Variants in DGKI observed in about 807,000 individuals in gnomAD.
DGKI encodes diacylglycerol kinase iota, also known as DAG kinase iota.
Under a neutral mutation model 147.5 loss-of-function variants are expected in DGKI, and 55 were observed. That is an observed-to-expected ratio of 0.37 (90% CI 0.30 to 0.47). The LOEUF is 0.47. Ranked by LOEUF, DGKI falls within the 20% of genes least tolerant of loss-of-function variation. The probability of loss-of-function intolerance (pLI) is 1.00; values close to 1 mark genes in which losing one functional copy is unlikely to be tolerated. For synonymous variants in DGKI, 469 were observed against 477.1 expected (o/e 0.98, Z 0.22); for missense variants, 1,007 against 1,323.8 (o/e 0.76, Z 3.71).
intron 23 of DGKI, among the ~76,000 whole-genome samples, chr7:137,475,258 CAG>C (rs2128931084): frequency 6.6e-6 from 1 of 152,238 alleles, no homozygotes; most frequent in South Asian, 2.1e-4. Context: ...GAACACAAAA[CAG>C]AGTGGCTTTA....
chr7:137,569,643 G>A (rs186901722), intron 19 of DGKI, among the ~76,000 whole-genome samples: 1 of 147,458 alleles, frequency 6.8e-6, no homozygotes, highest in East Asian at 2.0e-4. Context: ...GCAGGAGAAT[G>A]GCGTGAACCC....
At chr7:137,750,827 G>A (rs1219647754) in intron 1 of DGKI, among the ~76,000 whole-genome samples, 1 of 152,184 alleles carries the variant, frequency 6.6e-6, no homozygotes, top group Non-Finnish European at 1.5e-5. Context: ...TTAAGGCAGT[G>A]CAAGACTTCA....
At chr7:137,803,922 G>A (rs902625715) in intron 1 of DGKI, among the ~76,000 whole-genome samples, 4 of 152,106 alleles carry the variant, frequency 2.6e-5, no homozygotes, top group South Asian at 2.1e-4. Context: ...TAAATAGTCC[G>A]GGCATGCGTT....
In DGKI at chr7:137,609,007, G is replaced by T; in HGVS notation, c.1126C>A (p.Pro376Thr). The change falls in exon 10 of 33, where the codon CCC becomes ACC. Residue 376 changes from proline to threonine, a missense_variant. This residue lies in a region of DGKI where 259 missense variants were observed against 362.5 expected (regional missense o/e 0.71). Coordinates refer to ENST00000614521, the MANE Select transcript of DGKI (RefSeq NM_001321708.2). ...IKPISSPLMK[P>T]LLVFVNPKSG... ...TTGGGATTCACAAATACAAGCAAGG[G>T]TTTCATGAGAGGAGAAGAGATGGGT... 1 of 1,613,776 alleles carries T rather than the reference G, an allele frequency of 6.2e-7. No individual in the cohort carries two copies. The highest frequency in any genetic ancestry group is 8.5e-7 in the Non-Finnish European group (1 of 1,179,748).
chr7:137,670,368 C>A lies in DGKI; in HGVS notation c.606+8189G>T, dbSNP rs182669705. On this transcript the variant is annotated intron_variant, in intron 3 of 32. Coordinates refer to ENST00000614521, the MANE Select transcript of DGKI (RefSeq NM_001321708.2). ...TTAATATACAGACAGCACTTGGTAC[C>A]AAATTATAACGATCCCCATGACAGT... 3.0e-4 allele frequency among the ~76,000 whole-genome samples: 46 copies of A among 152,254 alleles called. 1 individual carries two copies. The East Asian group carries it at 5.4e-3, about 18-fold the overall frequency.
chr7:137,465,826 A>G, intron 26 of DGKI, 82 bp downstream of exon 26: 1 of 1,512,042 alleles, frequency 6.6e-7, no homozygotes. Flanking sequence ...TGATGTCATT[A>G]GAACGATGTC....
chr7:137,809,482 T>A (rs1025176017), intron 1 of DGKI, among the ~76,000 whole-genome samples: 2 of 152,158 alleles, frequency 1.3e-5, no homozygotes, highest in African/African-American at 4.8e-5. Context: ...CAGCCTGCAG[T>A]CTCGGGCTGT....
At chr7:137,552,590 G>T in intron 19 of DGKI, 22 bp from the exon 20 acceptor site, 4 of 1,612,416 alleles carry the variant, frequency 2.5e-6, no homozygotes, top group Non-Finnish European at 2.5e-6. Context: ...AGAGTCAAAG[G>T]GGAGCAAGGA....
chr7:137,662,240 C>CTTTTTTTTTT (rs1170356266), intron 3 of DGKI, among the ~76,000 whole-genome samples: 2 of 126,444 alleles, frequency 1.6e-5, no homozygotes, highest in African/African-American at 6.1e-5. Context: ...CAGCACACTC[C>CTTTTTTTTTT]TTTTTTTTTT....
intron 19 of DGKI, among the ~76,000 whole-genome samples, chr7:137,570,235 A>T (rs1329766294): frequency 2.0e-5 from 3 of 152,210 alleles, no homozygotes; most frequent in Non-Finnish European, 4.4e-5. Flanking sequence ...AAGAAATGAT[A>T]AGCATAATTT....
chr7:137,660,441 T>C (rs994942435), intron 3 of DGKI, among the ~76,000 whole-genome samples: 1 of 152,216 alleles, frequency 6.6e-6, no homozygotes. Flanking sequence ...TTTCCCATGC[T>C]GCAGGCCCTG....
chr7:137,813,768 C>G (rs1797659751), intron 1 of DGKI, among the ~76,000 whole-genome samples: 1 of 152,212 alleles, frequency 6.6e-6, no homozygotes, highest in Admixed American at 6.5e-5. Flanking sequence ...TTTTAACCCA[C>G]TCAAATGTAG....
At chr7:137,684,776 T>C (rs967564019) in intron 2 of DGKI, among the ~76,000 whole-genome samples, 3 of 152,108 alleles carry the variant, frequency 2.0e-5, no homozygotes, top group African/African-American at 7.2e-5. Context: ...ACTTCAGTTT[T>C]TCGAAATGGG....
At chr7:137,547,071 C>G (rs1015454671) in intron 20 of DGKI, among the ~76,000 whole-genome samples, 1 of 152,182 alleles carries the variant, frequency 6.6e-6, no homozygotes, top group African/African-American at 2.4e-5. Context: ...TCCCAAAACA[C>G]CTGGGTAATT....
chr7:137,592,838 T>C (rs1483143030), intron 12 of DGKI, among the ~76,000 whole-genome samples: 1 of 152,180 alleles, frequency 6.6e-6, no homozygotes, highest in East Asian at 1.9e-4. Flanking sequence ...GTGCTTAAAA[T>C]TAGCCCAAAA....
chr7:137,767,774 C>T (rs1796066306), intron 1 of DGKI, among the ~76,000 whole-genome samples: 1 of 152,190 alleles, frequency 6.6e-6, no homozygotes, highest in Admixed American at 6.5e-5. Flanking sequence ...TAACCCAGGT[C>T]TCAATGTCCG....
intron 26 of DGKI, among the ~76,000 whole-genome samples, chr7:137,465,557 A>G (rs1366486282): frequency 6.6e-6 from 1 of 152,204 alleles, no homozygotes; most frequent in Non-Finnish European, 1.5e-5. Flanking sequence ...TGGAAATAGC[A>G]AAGAAGAGGA....
intron 1 of DGKI, among the ~76,000 whole-genome samples, chr7:137,835,844 C>A (rs1798363026): frequency 6.6e-6 from 1 of 152,178 alleles, no homozygotes; most frequent in Non-Finnish European, 1.5e-5. Flanking sequence ...CAGCATCCTG[C>A]AGTGAAAAGA....
intron 21 of DGKI, chr7:137,514,083 G>A (rs987253908): frequency 2.3e-5 from 13 of 567,622 alleles, no homozygotes; most frequent in African/African-American, 7.6e-5. Context: ...TCTGATCGCC[G>A]ATCACCTCTG....
Sources: gnomAD v4.1 joint callset for allele counts (sites outside exome capture counted in the v4.1 genomes callset) on GRCh38, gnomAD v4.1.1 for gene constraint, gnomAD v4.1.1 regional missense constraint, MANE v1.5 for transcripts, NCBI Gene and HGNC (gene_info 2026-07-23, HGNC 2026-07-21) for gene names.